C10orf67: variants seen among roughly 807,000 people sequenced by gnomAD.
The protein encoded by C10orf67 is uncharacterized protein C10orf67, mitochondrial.
A neutral mutation model predicts 35.6 loss-of-function variants in C10orf67; 60 were observed. The ratio of observed to expected loss-of-function variants is 1.68; its 90% confidence interval spans 1.37 to 2.09. The LOEUF is 2.09. Ranked by LOEUF, C10orf67 falls within the 30% of genes most tolerant of loss-of-function variation. C10orf67 has a pLI of 0.00. For missense variants in C10orf67, 474 were observed against 330.2 expected, an observed-to-expected ratio of 1.44 and a Z score of -3.38; for synonymous variants, 167 against 115.8, an observed-to-expected ratio of 1.44 and a Z score of -2.84.
intron 1 of C10orf67, among the ~76,000 whole-genome samples, chr10:23,343,562 G>C (rs1472812062): frequency 7.2e-5 from 11 of 152,154 alleles, no homozygotes; most frequent in Non-Finnish European, 1.2e-4. Context: ...TATTCACTAT[G>C]ATCTATGAAG....
At chr10:23,202,480 T>G (rs1403607603), downstream of C10orf67, 2 of 152,098 alleles carry the variant, frequency 1.3e-5, no homozygotes, top group African/African-American at 4.8e-5. Flanking sequence ...TTTTTTTTTT[T>G]TTGTAAGACT....
chr10:23,317,461 C>T lies in C10orf67; in HGVS notation c.546+3280G>A, dbSNP rs529262271. 1.6e-3 allele frequency: 237 copies of T among 152,348 alleles called. 1 individual carries two copies. The highest frequency in any genetic ancestry group is 5.2e-3 in the African/African-American group (215 of 41,546). The allele number at this position is 152,348 out of a possible 1,614,324, so 9.4% of individuals were successfully genotyped here. On this transcript the variant is annotated intron_variant, in intron 4 of 15. Coordinates refer to ENST00000636213, the MANE Select transcript of C10orf67 (RefSeq NM_001371909.1). ...CATCACCAACTCAGAAGGTGAGCAC[C>T]ACTCCTGCTTGTTCCTGGCTCCTGC...
intron 4 of C10orf67, among the ~76,000 whole-genome samples, chr10:23,306,156 T>C (rs1286744934): frequency 6.6e-6 from 1 of 152,106 alleles, no homozygotes; most frequent in Non-Finnish European, 1.5e-5. Context: ...ATAAGCCAGA[T>C]ATAAAAAGGT....
rs1219600644 is a variant in C10orf67 at position 23,208,050 on chromosome 10, TC to T, written c.1571-3796del. 7.2e-5 allele frequency among the ~76,000 whole-genome samples: 11 copies of T among 152,258 alleles called. No homozygotes were observed. In the East Asian group the frequency reaches 2.1e-3, roughly 29 times the overall value. ...TCTAATCCTAGAGAAAAATAAACAC[TC>T]TTAATATGGAAGCGTTAGGTAGTTG... On this transcript the variant is annotated intron_variant, in intron 15 of 15. Transcript: ENST00000636213.
In C10orf67 at chr10:23,277,877, G is replaced by A. The variant is rs1264744223; in HGVS notation, c.975+4136C>T. ...TAATTGGCTCACGGTTCTGCACGCTGTACAGGAAGCACAGGGGCTTCTGCT... is the reference window on the plus strand; with the variant it reads ...TAATTGGCTCACGGTTCTGCACGCTATACAGGAAGCACAGGGGCTTCTGCT... On this transcript the variant is annotated intron_variant, in intron 8 of 15. Transcript: ENST00000636213. 3.3e-5 allele frequency among the ~76,000 whole-genome samples: 5 copies of A among 152,262 alleles called. No individual in the cohort carries two copies. The East Asian group carries it at 9.7e-4, about 29-fold the overall frequency.
intron 15 of C10orf67, among the ~76,000 whole-genome samples, chr10:23,211,611 C>T (rs1841310095): frequency 6.6e-6 from 1 of 151,972 alleles, no homozygotes; most frequent in African/African-American, 2.4e-5. Context: ...TAAAAGTGTT[C>T]TTTAAAAAAA....
intron 5 of C10orf67, among the ~76,000 whole-genome samples, 196 bp downstream of exon 5, chr10:23,303,108 A>C (rs1188967605): frequency 6.6e-6 from 1 of 152,180 alleles, no homozygotes; most frequent in Non-Finnish European, 1.5e-5. Context: ...CCTATTCATT[A>C]TATTGCTCCT....
At chr10:23,303,827 T>C (rs1844177992) in intron 4 of C10orf67, among the ~76,000 whole-genome samples, 1 of 152,184 alleles carries the variant, frequency 6.6e-6, no homozygotes. Flanking sequence ...TGGACAAAAG[T>C]TCCCTTGAGG....
At chr10:23,308,668 G>C (rs1387521694) in intron 4 of C10orf67, among the ~76,000 whole-genome samples, 1 of 152,134 alleles carries the variant, frequency 6.6e-6, no homozygotes, top group Non-Finnish European at 1.5e-5. Context: ...GATAGCCTGA[G>C]TCTGCAGACC....
chr10:23,267,047 G>A, intron 9 of C10orf67, 148 bp downstream of exon 9: 1 of 580,064 alleles, frequency 1.7e-6, no homozygotes, highest in Non-Finnish European at 3.0e-6. Flanking sequence ...TCCTGGCCTT[G>A]CTCTCACTTT....
In C10orf67 at chr10:23,283,825, T is replaced by A. The variant is rs554862306; in HGVS notation, c.910-1747A>T. Among the ~76,000 whole-genome samples, 3 of 152,220 alleles carry A rather than the reference T, an allele frequency of 2.0e-5. No homozygotes were observed. In the East Asian group the frequency reaches 5.8e-4, roughly 29 times the overall value. On this transcript the variant is annotated intron_variant, in intron 7 of 15. Transcript: ENST00000636213. ...GAGTCCAGGCTGGGCATGCCTCTTG[T>A]GTGCCGCACACCAAACTCTGCTTCT...
intron 10 of C10orf67, among the ~76,000 whole-genome samples, chr10:23,263,656 A>C (rs1241727901): frequency 6.6e-6 from 1 of 152,186 alleles, no homozygotes; most frequent in African/African-American, 2.4e-5. Flanking sequence ...TATGTTCATC[A>C]GTATAGACCA....
intron 8 of C10orf67, among the ~76,000 whole-genome samples, chr10:23,271,059 A>G (rs183168789): frequency 1.3e-5 from 2 of 152,098 alleles, no homozygotes; most frequent in Admixed American, 1.3e-4. Context: ...ATATGCTCAA[A>G]ATAAAGGGAG....
At chr10:23,333,959 T>C (rs967514655) in intron 1 of C10orf67, among the ~76,000 whole-genome samples, 4 of 152,158 alleles carry the variant, frequency 2.6e-5, no homozygotes, top group Non-Finnish European at 5.9e-5. Context: ...AAAGAGCACA[T>C]GTTTCAGAAA....
chr10:23,269,458 A>C (rs1842964078), intron 8 of C10orf67, among the ~76,000 whole-genome samples: 1 of 152,186 alleles, frequency 6.6e-6, no homozygotes. Context: ...TAGGCAAAAA[A>C]GAAGGAACAG....
intron 1 of C10orf67, among the ~76,000 whole-genome samples, chr10:23,335,251 TTAGCTCTGAA>T (rs1845635440): frequency 6.6e-6 from 1 of 151,890 alleles, no homozygotes; most frequent in Non-Finnish European, 1.5e-5. Context: ...ATTGACTCAA[TTAGCTCTGAA>T]ACCTGTCATA....
At chr10:23,303,242 T>G (rs1844153072) in intron 5 of C10orf67, 62 bp downstream of exon 5, 1 of 438,684 alleles carries the variant, frequency 2.3e-6, no homozygotes. Context: ...ACTCAAGCTT[T>G]TAACTATTTA....
intron 10 of C10orf67, among the ~76,000 whole-genome samples, chr10:23,260,666 A>G (rs555857639): frequency 6.6e-6 from 1 of 152,194 alleles, no homozygotes; most frequent in Non-Finnish European, 1.5e-5. Flanking sequence ...GGGAGCTCAT[A>G]AGAAACACTC....
At chr10:23,330,085 C>G in intron 2 of C10orf67, among the ~76,000 whole-genome samples, 1 of 151,938 alleles carries the variant, frequency 6.6e-6, no homozygotes, top group East Asian at 1.9e-4. Context: ...TTTTTAAATG[C>G]CTCTTATTAA....
Sources: allele counts gnomAD v4.1 joint callset (sites outside exome capture counted in the v4.1 genomes callset), GRCh38; gene constraint gnomAD v4.1.1; transcripts MANE v1.5; gene names NCBI Gene and HGNC (gene_info 2026-07-23, HGNC 2026-07-21).